Variants in RCSD1 observed in about 807,000 individuals in gnomAD.
RCSD1 encodes RCSD domain containing 1.
RCSD1 carries 26 observed loss-of-function variants against 42.5 expected under a neutral mutation model. The ratio of observed to expected loss-of-function variants is 0.61; its 90% CI spans 0.45 to 0.85. The LOEUF is 0.85. RCSD1 is among the 40% of genes least tolerant of loss of function. The probability of loss-of-function intolerance (pLI) is 0.00; values close to 1 mark genes in which losing one functional copy is unlikely to be tolerated. For missense variants in RCSD1, 571 were observed against 528.3 expected (o/e 1.08, Z -0.79); for synonymous variants, 220 against 212.2 (o/e 1.04, Z -0.32).
rs1462479019 is a variant in RCSD1, at chr1:167,708,160, C to A, written c.*3464C>A. 6.6e-6 allele frequency among the ~76,000 whole-genome samples: 1 copy of A among 152,168 alleles called. No homozygotes were observed. Among genetic ancestry groups the A allele is most frequent in the Admixed American group, 6.5e-5 (1 of 15,278 alleles). On this transcript the variant is annotated 3_prime_UTR_variant, in exon 7 of 7. Coordinates refer to ENST00000367854, the MANE Select transcript of RCSD1 (RefSeq NM_052862.4). Reference sequence around the variant, plus strand: ...TACAACCAAGCAGATGCAGAGACTGCGTGCCCTCTCCTGGAGCTAGGAGCT... The same window carrying A: ...TACAACCAAGCAGATGCAGAGACTGAGTGCCCTCTCCTGGAGCTAGGAGCT...
At chr1:167,678,887 C>A (rs113705428) in intron 1 of RCSD1, among the ~76,000 whole-genome samples, 88 of 152,350 alleles carry the variant, frequency 5.8e-4, no homozygotes, top group African/African-American at 2.0e-3. Flanking sequence ...TTTTCCTTTT[C>A]TCTTTTCCCC....
intron 1 of RCSD1, among the ~76,000 whole-genome samples, chr1:167,676,287 C>T (rs1658950610): frequency 6.6e-6 from 1 of 152,216 alleles, no homozygotes; most frequent in Non-Finnish European, 1.5e-5. Context: ...ATAGTGCACC[C>T]TCCAGGGCAG....
intron 1 of RCSD1, among the ~76,000 whole-genome samples, chr1:167,655,230 T>C (rs553812915): frequency 1.3e-5 from 2 of 152,144 alleles, no homozygotes; most frequent in Non-Finnish European, 2.9e-5. Context: ...TCCGGATAGC[T>C]TGTTAAAGCG....
intron 2 of RCSD1, among the ~76,000 whole-genome samples, chr1:167,684,294 A>G (rs1198550073): frequency 6.6e-6 from 1 of 152,208 alleles, no homozygotes; most frequent in East Asian, 1.9e-4. Flanking sequence ...ATACAGACTT[A>G]GATCTCACAC....
rs58634704 is a variant in RCSD1 at position 167,670,357 on chromosome 1, GAAAAA to G, written c.7-13531_7-13527del. ...TTTCCCACTCTTTCCCTTTGCAAAA[GAAAAA>G]AAAAAAAAAAACCACTCGAGCTGTT... On this transcript the variant is annotated intron_variant, in intron 1 of 6. Transcript: ENST00000367854. 3.1e-3 allele frequency among the ~76,000 whole-genome samples: 412 copies of G among 132,356 alleles called. 1 individual carries two copies. The highest frequency in any genetic ancestry group is 3.6e-3 in the Non-Finnish European group (223 of 61,708). 86.8% of individuals were successfully genotyped at this position (132,356 alleles called of 152,430 possible). A position where few individuals can be genotyped will look rare whatever the true frequency, so the allele number is the denominator to read the frequency against.
intron 1 of RCSD1, among the ~76,000 whole-genome samples, chr1:167,639,749 C>T (rs1657959521): frequency 6.6e-6 from 1 of 152,208 alleles, no homozygotes; most frequent in South Asian, 2.1e-4. Context: ...CTGCCTTGGC[C>T]TCCCAAAGTG....
chr1:167,655,664 G>A (rs1171385611), intron 1 of RCSD1, among the ~76,000 whole-genome samples: 2 of 152,144 alleles, frequency 1.3e-5, no homozygotes, highest in Admixed American at 1.3e-4. Context: ...CTGATAAGAG[G>A]TACAAAAGTG....
At chr1:167,691,120 G>A (rs1659365938) in intron 4 of RCSD1, among the ~76,000 whole-genome samples, 1 of 152,196 alleles carries the variant, frequency 6.6e-6, no homozygotes. Context: ...GGATAGTGTT[G>A]TTGCAGGGGC....
Position 167,685,523 on chromosome 1 carries a change from G to C in RCSD1, c.198+13G>C. On this transcript the variant is annotated intron_variant, in intron 3 of 6. Transcript: ENST00000367854. Reference sequence around the variant, plus strand: ...GAATGGTGAGGAGGTAAGTGCTGCTGTTGGGGCTCAGAGGATGCTGTGATG... The same window carrying C: ...GAATGGTGAGGAGGTAAGTGCTGCTCTTGGGGCTCAGAGGATGCTGTGATG... The C allele has an allele frequency of 6.2e-7, 1 of 1,609,202 alleles. No individual in the cohort carries two copies. Among genetic ancestry groups the C allele is most frequent in the Non-Finnish European group, 8.5e-7 (1 of 1,176,114 alleles).
intron 1 of RCSD1, chr1:167,640,319 C>T (rs1373067010): frequency 6.6e-6 from 1 of 152,450 alleles, no homozygotes; most frequent in East Asian, 1.9e-4. Flanking sequence ...TCTTTTGGCT[C>T]CTGGTGGTTG....
At chr1:167,702,688 A>G (rs1659671168) in intron 6 of RCSD1, among the ~76,000 whole-genome samples, 1 of 152,198 alleles carries the variant, frequency 6.6e-6, no homozygotes, top group South Asian at 2.1e-4. Flanking sequence ...CTGAGGCAGG[A>G]GAATCGCTTG....
intron 4 of RCSD1, among the ~76,000 whole-genome samples, chr1:167,691,685 G>A (rs914847472): frequency 6.6e-6 from 1 of 152,256 alleles, no homozygotes; most frequent in African/African-American, 2.4e-5. Context: ...TAGGGATTTG[G>A]ATCCCAGCCT....
chr1:167,634,751 G>C (rs1186857354), intron 1 of RCSD1, among the ~76,000 whole-genome samples: 1 of 152,188 alleles, frequency 6.6e-6, no homozygotes, highest in Non-Finnish European at 1.5e-5. Context: ...CTTAGGTGGA[G>C]ACAATAAATG....
intron 1 of RCSD1, among the ~76,000 whole-genome samples, chr1:167,652,793 A>C (rs1658344610): frequency 6.6e-6 from 1 of 152,188 alleles, no homozygotes; most frequent in African/African-American, 2.4e-5. Flanking sequence ...TAATGGTAGC[A>C]TAGTGTTTTA....
intron 1 of RCSD1, among the ~76,000 whole-genome samples, chr1:167,661,027 C>G (rs1404424591): frequency 6.6e-6 from 1 of 152,228 alleles, no homozygotes; most frequent in Admixed American, 6.5e-5. Context: ...CCTGCTTGAT[C>G]TTGACTATCA....
intron 1 of RCSD1, among the ~76,000 whole-genome samples, chr1:167,673,365 C>T (rs1658858964): frequency 1.3e-5 from 2 of 152,224 alleles, no homozygotes; most frequent in Admixed American, 6.5e-5. Context: ...CAGATAACTT[C>T]CCTCATCATC....
At chr1:167,693,644 A>T (rs1659428699) in intron 4 of RCSD1, among the ~76,000 whole-genome samples, 2 of 152,156 alleles carry the variant, frequency 1.3e-5, no homozygotes, top group Non-Finnish European at 1.5e-5. Context: ...ACACAGCTGA[A>T]CGTGTGGGGT....
At chr1:167,655,908 G>A (rs1158936832) in intron 1 of RCSD1, among the ~76,000 whole-genome samples, 3 of 152,118 alleles carry the variant, frequency 2.0e-5, no homozygotes, top group Non-Finnish European at 4.4e-5. Flanking sequence ...CTAAAACTTT[G>A]GGAAAAACAC....
intron 6 of RCSD1, among the ~76,000 whole-genome samples, chr1:167,700,512 G>A (rs949591063): frequency 1.3e-5 from 2 of 152,042 alleles, no homozygotes; most frequent in Non-Finnish European, 2.9e-5. Flanking sequence ...TTAGCCAGGC[G>A]TGGTTGTGGG....
Sources: gnomAD v4.1 joint callset for allele counts (sites outside exome capture counted in the v4.1 genomes callset) on GRCh38, gnomAD v4.1.1 for gene constraint, MANE v1.5 for transcripts, NCBI Gene and HGNC (gene_info 2026-07-23, HGNC 2026-07-21) for gene names.